NEGR1: variants seen among roughly 807,000 people sequenced by gnomAD.
NEGR1 encodes IgLON family member 4.
A neutral mutation model predicts 40.9 loss-of-function variants in NEGR1; 10 were observed. The ratio of observed to expected loss-of-function variants is 0.24; its 90% CI spans 0.15 to 0.42. The LOEUF (loss-of-function observed/expected upper bound fraction) is 0.42, where lower values mean the gene tolerates loss of function less well. Ranked by LOEUF, NEGR1 falls within the 10% of genes least tolerant of loss-of-function variation. NEGR1 has a pLI of 1.00. For missense variants in NEGR1, 352 were observed against 438.9 expected (o/e 0.80, Z 1.77); for synonymous variants, 185 against 166.8 (o/e 1.11, Z -0.84).
intron 2 of NEGR1, among the ~76,000 whole-genome samples, chr1:71,852,475 T>A (rs1659636126): frequency 6.6e-6 from 1 of 152,096 alleles, no homozygotes; most frequent in African/African-American, 2.4e-5. Context: ...GCCTTCTAAA[T>A]CTTATCTGGA....
intron 1 of NEGR1, among the ~76,000 whole-genome samples, chr1:72,122,284 T>C (rs1037553951): frequency 2.0e-5 from 3 of 151,998 alleles, no homozygotes; most frequent in African/African-American, 4.8e-5. Flanking sequence ...TGTTGGCAAA[T>C]GGGAAATCCC....
At chr1:71,717,412 G>A (rs563319348) in intron 3 of NEGR1, among the ~76,000 whole-genome samples, 1 of 151,758 alleles carries the variant, frequency 6.6e-6, no homozygotes, top group Admixed American at 6.6e-5. Flanking sequence ...TTTTTTTTGA[G>A]TAAACCTCAG....
chr1:72,065,359 A>C (rs1647247377), intron 1 of NEGR1, among the ~76,000 whole-genome samples: 1 of 152,010 alleles, frequency 6.6e-6, no homozygotes, highest in South Asian at 2.1e-4. Flanking sequence ...TCAGGTCCTA[A>C]ATGGGGTAAC....
chr1:71,493,328 C>G (rs1202294700), intron 6 of NEGR1, among the ~76,000 whole-genome samples: 1 of 152,078 alleles, frequency 6.6e-6, no homozygotes, highest in African/African-American at 2.4e-5. Flanking sequence ...GATGAATACC[C>G]ATCTACTATC....
At chr1:71,484,758 G>A (rs1465061135) in intron 6 of NEGR1, 1 of 151,686 alleles carries the variant, frequency 6.6e-6, no homozygotes, top group Non-Finnish European at 1.5e-5. Flanking sequence ...ATAAATCTAA[G>A]TGTTCCAGTC....
At chr1:71,623,221 G>A (rs1214589640) in intron 4 of NEGR1, among the ~76,000 whole-genome samples, 1 of 151,780 alleles carries the variant, frequency 6.6e-6, no homozygotes, top group Non-Finnish European at 1.5e-5. Context: ...CCCGCCTTCA[G>A]TTACGTGACA....
chr1:72,268,063 G>A (rs187237521), intron 1 of NEGR1, among the ~76,000 whole-genome samples: 4 of 151,326 alleles, frequency 2.6e-5, no homozygotes, highest in Admixed American at 6.6e-5. Context: ...TACTCTTCAC[G>A]GTATCAGAAA....
chr1:71,582,129 A>G (rs779890258), intron 6 of NEGR1, among the ~76,000 whole-genome samples: 4 of 152,174 alleles, frequency 2.6e-5, no homozygotes, highest in Non-Finnish European at 4.4e-5. Context: ...AAGGTATACA[A>G]TTGATTTTTT....
intron 1 of NEGR1, among the ~76,000 whole-genome samples, chr1:72,102,448 A>G (rs976758813): frequency 2.0e-5 from 3 of 152,088 alleles, no homozygotes; most frequent in Non-Finnish European, 2.9e-5. Flanking sequence ...ACAGGAAATA[A>G]CATATGCTAT....
intron 4 of NEGR1, among the ~76,000 whole-genome samples, chr1:71,636,929 A>G (rs1651172331): frequency 6.6e-6 from 1 of 152,062 alleles, no homozygotes; most frequent in African/African-American, 2.4e-5. Context: ...CACGGGAAAG[A>G]CTGGGGTAAA....
intron 1 of NEGR1, among the ~76,000 whole-genome samples, chr1:72,256,829 G>C (rs1655284161): frequency 6.6e-6 from 1 of 152,114 alleles, no homozygotes; most frequent in South Asian, 2.1e-4. Flanking sequence ...ATGGTAAACA[G>C]AATAGCTTCT....
At chr1:71,963,360 A>G (rs968331810) in intron 1 of NEGR1, among the ~76,000 whole-genome samples, 1 of 152,146 alleles carries the variant, frequency 6.6e-6, no homozygotes, top group African/African-American at 2.4e-5. Flanking sequence ...TATGTTATAG[A>G]GATAATACAG....
chr1:71,831,101 T>G (rs992600940), intron 2 of NEGR1, among the ~76,000 whole-genome samples: 3 of 152,034 alleles, frequency 2.0e-5, no homozygotes, highest in Non-Finnish European at 2.9e-5. Context: ...TATAGTAGCC[T>G]TCTTTGACTG....
Position 71,462,829 on chromosome 1 carries a change from G to T in NEGR1, c.941-55259C>A, listed in dbSNP as rs537259706. On this transcript the variant is annotated intron_variant, in intron 6 of 6. Coordinates refer to ENST00000357731, the MANE Select transcript of NEGR1 (RefSeq NM_173808.3). ...TAATTAGTATTGGCAAAATTAAGAAGACTTAGAAAGATATGTTATGGATGT... is the reference window on the plus strand; with the variant it reads ...TAATTAGTATTGGCAAAATTAAGAATACTTAGAAAGATATGTTATGGATGT... 3.3e-5 allele frequency among the ~76,000 whole-genome samples: 5 copies of T among 152,116 alleles called. No individual in the cohort carries two copies. In the South Asian group the frequency reaches 1.0e-3, roughly 32 times the overall value.
At position 71,413,706 on chromosome 1, in the gene NEGR1, G is replaced by A. The variant is rs1325503873; in HGVS notation, c.941-6136C>T. Among the ~76,000 whole-genome samples, 4 of 152,076 alleles carry A rather than the reference G, an allele frequency of 2.6e-5. No individual in the cohort carries two copies. The East Asian group carries it at 7.7e-4, about 29-fold the overall frequency. ...TTTGTTTTTAGAGGATCTGTCTCAG[G>A]TATGAAGCAAAAGTGTCCAAGCTGA... On this transcript the variant is annotated intron_variant, in intron 6 of 6. Coordinates refer to ENST00000357731, the MANE Select transcript of NEGR1 (RefSeq NM_173808.3).
At chr1:72,164,615 G>C (rs1342438533) in intron 1 of NEGR1, among the ~76,000 whole-genome samples, 1 of 151,924 alleles carries the variant, frequency 6.6e-6, no homozygotes. Context: ...TTTGCTTTCA[G>C]AATTTTTACA....
intron 4 of NEGR1, among the ~76,000 whole-genome samples, chr1:71,657,465 C>A (rs1444138140): frequency 6.6e-6 from 1 of 152,174 alleles, no homozygotes; most frequent in Non-Finnish European, 1.5e-5. Context: ...CACAAAGATG[C>A]TCCAAAGTTT....
intron 6 of NEGR1, among the ~76,000 whole-genome samples, chr1:71,459,018 A>G (rs1646695347): frequency 6.6e-6 from 1 of 152,094 alleles, no homozygotes; most frequent in African/African-American, 2.4e-5. Flanking sequence ...GTTCTTTATC[A>G]GTTCTGGCCA....
At chr1:71,933,685 T>C (rs1044302394) in intron 2 of NEGR1, among the ~76,000 whole-genome samples, 6 of 152,038 alleles carry the variant, frequency 3.9e-5, no homozygotes, top group African/African-American at 1.4e-4. Flanking sequence ...GATGAACTTT[T>C]GTGAAAATGT....
Sources: gnomAD v4.1 joint callset for allele counts (sites outside exome capture counted in the v4.1 genomes callset) on GRCh38, gnomAD v4.1.1 for gene constraint, MANE v1.5 for transcripts, NCBI Gene and HGNC (gene_info 2026-07-23, HGNC 2026-07-21) for gene names.